ZFP64: variants seen among roughly 807,000 people sequenced by gnomAD.
The protein encoded by ZFP64 is ZFP64 zinc finger protein.
Under a neutral mutation model 51.6 loss-of-function variants are expected in ZFP64, and 14 were observed. The ratio of observed to expected loss-of-function variants is 0.27; its 90% CI spans 0.18 to 0.42. The LOEUF (loss-of-function observed/expected upper bound fraction) is 0.42, where lower values mean the gene tolerates loss of function less well. Ranked by LOEUF, ZFP64 falls within the 10% of genes least tolerant of loss-of-function variation. The pLI is 1.00. For synonymous variants in ZFP64, 375 were observed against 361.4 expected (o/e 1.04, Z -0.43); for missense variants, 754 against 906.8 (o/e 0.83, Z 2.16).
At position 52,160,252 on chromosome 20, in the gene ZFP64, C is replaced by T. The variant is rs754329446; in HGVS notation, c.634G>A (p.Ala212Thr). 1.2e-5 allele frequency: 20 copies of T among 1,614,102 alleles called. No individual in the cohort carries two copies. Among genetic ancestry groups the T allele is most frequent in the South Asian group, 6.6e-5 (6 of 91,080 alleles). The change falls in exon 5 of 6, where the codon GCT (alanine) becomes ACT (threonine). Residue 212 changes from alanine (A) to threonine (T), a missense_variant. This residue lies in a region of ZFP64 where 231 missense variants were observed against 336.7 expected (regional missense o/e 0.69). Coordinates refer to ENST00000216923, the MANE Select transcript of ZFP64 (RefSeq NM_018197.3). The surrounding 1 kb of genome is among the most constrained non-coding windows in gnomAD (Gnocchi z 4.2). ...PYKCKTCDYA[A>T]ADSSSLNKHL... ...TTGTTGAGGCTGCTGCTGTCGGCAG[C>T]GGCGTAGTCACACGTCTTACACTTG...
chr20:52,112,139 A>G (rs1462103134), intron 5 of ZFP64, among the ~76,000 whole-genome samples: 1 of 151,708 alleles, frequency 6.6e-6, no homozygotes, highest in East Asian at 1.9e-4. Flanking sequence ...GGCTCTGTTC[A>G]CATCCCACCT....
At chr20:52,142,574 G>A (rs1256272672) in intron 5 of ZFP64, among the ~76,000 whole-genome samples, 3 of 151,952 alleles carry the variant, frequency 2.0e-5, no homozygotes, top group Non-Finnish European at 4.4e-5. Context: ...AAGTGCGGTG[G>A]CGCATGCCTG....
At chr20:52,111,056 CGGAGA>C in intron 5 of ZFP64, 1 of 1,300,032 alleles carries the variant, frequency 7.7e-7, no homozygotes, top group Non-Finnish European at 1.1e-6. Flanking sequence ...CCATGCGGAG[CGGAGA>C]GGAGCAGGAA....
chr20:52,135,224 A>C (rs1979912105), intron 5 of ZFP64, among the ~76,000 whole-genome samples: 1 of 152,218 alleles, frequency 6.6e-6, no homozygotes, highest in Non-Finnish European at 1.5e-5. Context: ...TTGTGAGGTG[A>C]AAATTTTATG....
intron 5 of ZFP64, among the ~76,000 whole-genome samples, chr20:52,155,160 C>A (rs984890039): frequency 6.6e-6 from 1 of 152,152 alleles, no homozygotes; most frequent in Non-Finnish European, 1.5e-5. Flanking sequence ...TCAGACCTAG[C>A]GGCAGCTCTA....
At chr20:52,177,967 G>C (rs1030681833) in intron 2 of ZFP64, among the ~76,000 whole-genome samples, 45 of 151,648 alleles carry the variant, frequency 3.0e-4, no homozygotes, top group African/African-American at 1.0e-3. Flanking sequence ...AGGAGGCAGA[G>C]GTTGCAGTGA....
chr20:52,121,619 T>C (rs1181024581), intron 5 of ZFP64, among the ~76,000 whole-genome samples: 1 of 147,404 alleles, frequency 6.8e-6, no homozygotes, highest in Non-Finnish European at 1.5e-5. Flanking sequence ...ACTGTCTTCA[T>C]AACACAAAAG....
intron 7 of ZFP64, among the ~76,000 whole-genome samples, chr20:52,090,112 A>T (rs2078907304): frequency 1.3e-5 from 2 of 152,308 alleles, no homozygotes; most frequent in African/African-American, 4.8e-5. Context: ...AACTGAGAAG[A>T]ATTATTTCCC....
At chr20:52,175,870 G>GGGCC in intron 2 of ZFP64, 1 of 346,462 alleles carries the variant, frequency 2.9e-6, no homozygotes, top group Non-Finnish European at 3.4e-6. Flanking sequence ...TGCCGCCCCC[G>GGGCC]CCCCCAAAAT....
intron 5 of ZFP64, among the ~76,000 whole-genome samples, chr20:52,135,017 T>C (rs1014390458): frequency 2.0e-5 from 3 of 151,892 alleles, no homozygotes; most frequent in Non-Finnish European, 1.5e-5. Context: ...TGCACGCCAC[T>C]GCACCTGGCT....
rs1044186948 is a variant in ZFP64 at position 52,151,837 on chromosome 20, A to G, written c.*309T>C. Reference sequence around the variant, plus strand: ...GAGGCTGAGGTGGGCAGATCACTTGAGGTCAGGAGTTCAACATGATGAAAC... The same window carrying G: ...GAGGCTGAGGTGGGCAGATCACTTGGGGTCAGGAGTTCAACATGATGAAAC... On this transcript the variant is annotated 3_prime_UTR_variant, in exon 6 of 6. Coordinates refer to ENST00000216923, the MANE Select transcript of ZFP64 (RefSeq NM_018197.3). 1.8e-5 allele frequency: 19 copies of G among 1,042,240 alleles called. No homozygotes were observed. The highest frequency in any genetic ancestry group is 2.1e-5 in the Non-Finnish European group (18 of 837,250). 64.6% of individuals were successfully genotyped at this position (1,042,240 alleles called of 1,614,324 possible).
At chr20:52,098,407 A>G (rs2079014979) in intron 6 of ZFP64, 1 of 1,611,180 alleles carries the variant, frequency 6.2e-7, no homozygotes, top group African/African-American at 1.3e-5. Context: ...TTGGCTCAGA[A>G]GCGGCTCAGC....
Position 52,085,408 on chromosome 20 carries a change from T to A in ZFP64, c.1229-142A>T. 1 of 891,426 alleles carries A rather than the reference T, an allele frequency of 1.1e-6. No homozygotes were observed. The highest frequency in any genetic ancestry group is 1.7e-6 in the Non-Finnish European group (1 of 598,024). 55.2% of individuals were successfully genotyped at this position (891,426 alleles called of 1,614,324 possible). ...CCAACCTCCTAATGACAACACTTGT[T>A]GTGCATATTAATGCAATCCTCACAA... On this transcript the variant is annotated intron_variant, in intron 8 of 8. Transcript: ENST00000361387. The surrounding 1 kb of genome is among the most constrained non-coding windows in gnomAD (Gnocchi z 4.3).
At chr20:52,103,011 A>G (rs2122777700) in intron 5 of ZFP64, among the ~76,000 whole-genome samples, 1 of 152,242 alleles carries the variant, frequency 6.6e-6, no homozygotes, top group South Asian at 2.1e-4. Context: ...AGAGCCTCTG[A>G]TGGGGAGGTG....
chr20:52,131,799 A>C (rs1979735347), intron 5 of ZFP64, among the ~76,000 whole-genome samples: 1 of 152,198 alleles, frequency 6.6e-6, no homozygotes, highest in African/African-American at 2.4e-5. Context: ...CACTTTCAGC[A>C]TTTGCCAGAT....
intron 5 of ZFP64, among the ~76,000 whole-genome samples, chr20:52,122,544 T>C (rs1979245259): frequency 6.6e-6 from 1 of 151,676 alleles, no homozygotes; most frequent in African/African-American, 2.4e-5. Flanking sequence ...TATAAGACTG[T>C]AGCTGCCATA....
intron 5 of ZFP64, among the ~76,000 whole-genome samples, chr20:52,119,553 T>TATAC (rs1555802529): frequency 3.7e-4 from 31 of 84,028 alleles, no homozygotes; most frequent in African/African-American, 1.4e-3. Flanking sequence ...TATATATATA[T>TATAC]ACATATATAT....
chr20:52,133,844 C>A lies in ZFP64; in HGVS notation c.763+26279G>T, dbSNP rs542138069. Among the ~76,000 whole-genome samples the A allele has an allele frequency of 4.6e-5, 7 of 152,078 alleles. No homozygotes were observed. In the East Asian group the frequency reaches 1.4e-3, roughly 29 times the overall value. ...AGGAGTTTGAGACCAGCCTGGGCAACATTGTAAGACCCTGTCTCTACAAAA... is the reference window on the plus strand; with the variant it reads ...AGGAGTTTGAGACCAGCCTGGGCAAAATTGTAAGACCCTGTCTCTACAAAA... On this transcript the variant is annotated intron_variant, in intron 5 of 8. Transcript: ENST00000361387.
At chr20:52,121,110 C>T (rs1979170214) in intron 5 of ZFP64, among the ~76,000 whole-genome samples, 2 of 152,198 alleles carry the variant, frequency 1.3e-5, no homozygotes. Context: ...AGTCCCTTCT[C>T]TCTCCTTTTC....
Sources: gnomAD v4.1 joint callset for allele counts (sites outside exome capture counted in the v4.1 genomes callset) on GRCh38, gnomAD v4.1.1 for gene constraint, gnomAD v4.1.1 regional missense constraint, Gnocchi (gnomAD v3.1) non-coding constraint, MANE v1.5 for transcripts, NCBI Gene and HGNC (gene_info 2026-07-23, HGNC 2026-07-21) for gene names.